CHD5: variants seen among roughly 807,000 people sequenced by gnomAD.
CHD5 encodes the protein ATP-dependent chromatin remodeler CHD5.
In CHD5, 69 loss-of-function variants were observed where a neutral mutation model predicts 230.3. That is an observed-to-expected ratio of 0.30 (90% CI 0.25 to 0.37). The LOEUF (loss-of-function observed/expected upper bound fraction) is 0.37. Ranked by LOEUF, CHD5 falls within the 10% of genes least tolerant of loss-of-function variation. The pLI is 1.00. For missense variants in CHD5, 1,827 were observed against 2,622.8 expected (o/e 0.70, Z 6.63); for synonymous variants, 1,064 against 1,065.9 (o/e 1.00, Z 0.03).
rs1666917758 is a variant in CHD5, at chr1:6,146,737, G to A, written c.1518C>T (p.Ile506=). The change falls in exon 10 of 42, where the codon ATC becomes ATT. Residue 506 remains isoleucine, a synonymous_variant. Transcript: ENST00000262450. This position sits in a 1 kb window ranked among gnomAD's most constrained non-coding sequence, Gnocchi z 5.1. ...SLPPPKPLEG[I]PEREFFVKWA... is the part of the protein sequence containing the mutation. The stretch of plus-strand genomic sequence containing the variant: ...ACTTGACAAAGAACTCTCTCTCAGG[G>A]ATGCCCTCCAGGGGCTTAGGTGGAG... 1 of 1,613,138 alleles carries A rather than the reference G, an allele frequency of 6.2e-7. No homozygotes were observed. The highest frequency in any genetic ancestry group is 8.5e-7 in the Non-Finnish European group (1 of 1,179,640).
rs192510876 is a variant in CHD5, at chr1:6,102,956, G to A, written c.*2518C>T. 15 of 152,514 alleles carry A rather than the reference G, an allele frequency of 9.8e-5. No homozygotes were observed. The highest frequency in any genetic ancestry group is 3.1e-4 in the African/African-American group (13 of 41,570). The allele number at this position is 152,514 out of a possible 1,614,324, so 9.4% of individuals were successfully genotyped here. ...CTCTGCAGAAGCCCTACTCAGCACTGGCTTAAAGTGGCTGGAAATTTCCAA... is the reference window on the plus strand; with the variant it reads ...CTCTGCAGAAGCCCTACTCAGCACTAGCTTAAAGTGGCTGGAAATTTCCAA... On this transcript the variant is annotated 3_prime_UTR_variant, in exon 42 of 42. Transcript: ENST00000262450.
At chr1:6,179,705 C>CG (rs1233990976) in intron 1 of CHD5, among the ~76,000 whole-genome samples, 1 of 146,556 alleles carries the variant, frequency 6.8e-6, no homozygotes, top group Non-Finnish European at 1.5e-5. Context: ...CGTCGCCGCC[C>CG]GGGGGGCCCG....
chr1:6,166,746 G>T (rs1266514565), intron 2 of CHD5, among the ~76,000 whole-genome samples: 1 of 152,090 alleles, frequency 6.6e-6, no homozygotes, highest in Non-Finnish European at 1.5e-5. Context: ...AGGCCCAGAG[G>T]CGAAGGCAGG....
Position 6,110,081 on chromosome 1 carries a change from G to A in CHD5, c.5383-91C>T, listed in dbSNP as rs111478932. 5.2e-4 allele frequency: 636 copies of A among 1,225,226 alleles called. 3 individuals are homozygous for A. In the African/African-American group the frequency reaches 5.4e-3, roughly 10 times the overall value. 75.9% of individuals were successfully genotyped at this position (1,225,226 alleles called of 1,614,324 possible). On this transcript the variant is annotated intron_variant, in intron 37 of 41. Coordinates refer to ENST00000262450, the MANE Select transcript of CHD5 (RefSeq NM_015557.3). ...GCGCCCACCCCAGGCCAAGGCTCCCGGCAGAAAGGAGGGAAAGAGGACGTA... is the reference window on the plus strand; with the variant it reads ...GCGCCCACCCCAGGCCAAGGCTCCCAGCAGAAAGGAGGGAAAGAGGACGTA...
At position 6,131,145 on chromosome 1, in the gene CHD5, C is replaced by G. The variant is rs545178229; in HGVS notation, c.3262+486G>C. 5.2e-4 allele frequency among the ~76,000 whole-genome samples: 79 copies of G among 152,354 alleles called. No homozygotes were observed. The highest frequency in any genetic ancestry group is 1.7e-3 in the African/African-American group (72 of 41,586). ...AGTTTCTTTTGCTACAGGAGGAACTCCACCGGCAAGACCCTCCTGACCTCC... is the reference window on the plus strand; with the variant it reads ...AGTTTCTTTTGCTACAGGAGGAACTGCACCGGCAAGACCCTCCTGACCTCC... On this transcript the variant is annotated intron_variant, in intron 21 of 41. Transcript: ENST00000262450. The surrounding 1 kb of genome is among the most constrained non-coding windows in gnomAD (Gnocchi z 5.0).
Position 6,154,738 on chromosome 1 carries a change from AGATGGT to A in CHD5, c.661_666del (p.Thr221_Ile222del). The stretch of plus-strand genomic sequence containing the variant: ...GGGGGGCTGACGGCTAGCGGAGGGG[AGATGGT>A]GACCGTCTCTACAGCCGCAGCCACC... On this transcript the variant is annotated inframe_deletion, in exon 5 of 42. Coordinates refer to ENST00000262450, the MANE Select transcript of CHD5 (RefSeq NM_015557.3). This position sits in a 1 kb window ranked among gnomAD's most constrained non-coding sequence, Gnocchi z 7.0. 1 of 1,609,610 alleles carries A rather than the reference AGATGGT, an allele frequency of 6.2e-7. No homozygotes were observed. Among genetic ancestry groups the A allele is most frequent in the Non-Finnish European group, 8.5e-7 (1 of 1,178,468 alleles).
At position 6,105,524 on chromosome 1, in the gene CHD5, A is replaced by G; in HGVS notation, c.*47-97T>C. On this transcript the variant is annotated intron_variant, in intron 41 of 41. Transcript: ENST00000262450. The surrounding 1 kb of genome is among the most constrained non-coding windows in gnomAD (Gnocchi z 4.8). The stretch of plus-strand genomic sequence containing the variant: ...TGTAGCTGCTTCTCCACCTATCACA[A>G]CCAACTATGATCGGGGTGCCCCCCA... 1 of 384,926 alleles carries G rather than the reference A, an allele frequency of 2.6e-6. No individual in the cohort carries two copies. The highest frequency in any genetic ancestry group is 5.4e-6 in the Non-Finnish European group (1 of 186,632). The allele number at this position is 384,926 out of a possible 1,614,324, so 23.8% of individuals were successfully genotyped here.
At chr1:6,160,162 A>T (rs1667148139) in intron 2 of CHD5, among the ~76,000 whole-genome samples, 1 of 107,500 alleles carries the variant, frequency 9.3e-6, no homozygotes, top group Non-Finnish European at 1.8e-5. Flanking sequence ...CCAGCAAGGG[A>T]AGAGCCCCAG....
Position 6,146,573 on chromosome 1 carries a change from C to A in CHD5, c.1590+92G>T. 6.9e-7 allele frequency: 1 copy of A among 1,443,354 alleles called. No homozygotes were observed. Among genetic ancestry groups the A allele is most frequent in the Non-Finnish European group, 9.7e-7 (1 of 1,030,710 alleles). 89.4% of individuals were successfully genotyped at this position (1,443,354 alleles called of 1,614,324 possible). A position where few individuals can be genotyped will look rare whatever the true frequency, so the allele number is the denominator to read the frequency against. On this transcript the variant is annotated intron_variant, in intron 10 of 41. Coordinates refer to ENST00000262450, the MANE Select transcript of CHD5 (RefSeq NM_015557.3). The surrounding 1 kb of genome is among the most constrained non-coding windows in gnomAD (Gnocchi z 5.1). ...CCAACTCCCAACAGCACCCCTCAGT[C>A]AGAGGCGCTTCAGCCCCTTCCCGCC...
intron 2 of CHD5, among the ~76,000 whole-genome samples, chr1:6,163,597 C>G (rs185713101): frequency 6.6e-6 from 1 of 152,260 alleles, no homozygotes; most frequent in Non-Finnish European, 1.5e-5. Context: ...GAGCAGTGGC[C>G]CATGAGCAGG....
intron 6 of CHD5, among the ~76,000 whole-genome samples, chr1:6,151,974 C>T (rs766073251): frequency 2.0e-5 from 3 of 152,184 alleles, no homozygotes; most frequent in Non-Finnish European, 2.9e-5. Context: ...TCCAGCCAGC[C>T]TGATCCTACC....
rs1047770735 is a variant in CHD5 at position 6,105,096 on chromosome 1, C to T, written c.*378G>A. The T allele has an allele frequency of 9.1e-6, 3 of 328,500 alleles. No individual in the cohort carries two copies. In the East Asian group the frequency reaches 2.6e-4, roughly 28 times the overall value. The allele number at this position is 328,500 out of a possible 1,614,324, so 20.3% of individuals were successfully genotyped here. ...GTGCTGCAGGTTCGAATCTTCCATA[C>T]GTCATCCAACTTTTATCAAGACAAA... On this transcript the variant is annotated 3_prime_UTR_variant, in exon 42 of 42. Transcript: ENST00000262450. This position sits in a 1 kb window ranked among gnomAD's most constrained non-coding sequence, Gnocchi z 4.8.
Position 6,136,039 on chromosome 1 carries a change from ACAC to A in CHD5, c.2696+475_2696+477del, listed in dbSNP as rs1206504536. Among the ~76,000 whole-genome samples, 10 of 53,038 alleles carry A rather than the reference ACAC, an allele frequency of 1.9e-4. No homozygotes were observed. The South Asian group carries it at 0.012, about 61-fold the overall frequency. The allele number at this position is 53,038 out of a possible 152,430, so 34.8% of individuals were successfully genotyped here. The stretch of plus-strand genomic sequence containing the variant: ...TAAAAAAAAACAACAAAAAAAAAAA[ACAC>A]TGCATCTCCTGATTCCAAAATCGAC... On this transcript the variant is annotated intron_variant, in intron 17 of 41. Transcript: ENST00000262450.
intron 2 of CHD5, among the ~76,000 whole-genome samples, chr1:6,164,475 A>G (rs1361730578): frequency 6.6e-6 from 1 of 152,210 alleles, no homozygotes; most frequent in Admixed American, 6.5e-5. Flanking sequence ...TTCCGGCTGC[A>G]GCCCGGTTAT....
intron 3 of CHD5, among the ~76,000 whole-genome samples, chr1:6,156,651 G>A (rs1667085804): frequency 6.6e-6 from 1 of 152,202 alleles, no homozygotes; most frequent in Non-Finnish European, 1.5e-5. Flanking sequence ...AGTGCACTCT[G>A]CTGGGGCAGG....
At chr1:6,108,448 TG>T (rs1031986474) in intron 38 of CHD5, among the ~76,000 whole-genome samples, 15 of 101,612 alleles carry the variant, frequency 1.5e-4, no homozygotes, top group Middle Eastern at 9.6e-3. Context: ...GATGGAGAGA[TG>T]GGGGATGGGG....
At position 6,152,515 on chromosome 1, in the gene CHD5, ATCT is replaced by A. The variant is rs1321785165; in HGVS notation, c.764_766del (p.Lys255del). ...TTTCTTCCCATCTTTGGAGCCTTTG[ATCT>A]TCTTCCTCACTCCAGGCCCTGAAAA... On this transcript the variant is annotated inframe_deletion, in exon 6 of 42. Transcript: ENST00000262450. The A allele has an allele frequency of 1.2e-6, 2 of 1,613,772 alleles. No homozygotes were observed. The highest frequency in any genetic ancestry group is 8.5e-7 in the Non-Finnish European group (1 of 1,179,962).
intron 3 of CHD5, among the ~76,000 whole-genome samples, chr1:6,156,860 G>GC (rs1467278384): frequency 3.3e-5 from 5 of 152,242 alleles, no homozygotes; most frequent in African/African-American, 1.2e-4. Context: ...AGATGACCAG[G>GC]CCCGGGCTGG....
chr1:6,177,509 G>A (rs767902313), intron 1 of CHD5, among the ~76,000 whole-genome samples: 3 of 152,208 alleles, frequency 2.0e-5, no homozygotes, highest in Non-Finnish European at 4.4e-5. Flanking sequence ...ACAACGTTTC[G>A]AGTATGTGAG....
Sources: allele counts gnomAD v4.1 joint callset (sites outside exome capture counted in the v4.1 genomes callset), GRCh38; gene constraint gnomAD v4.1.1; non-coding constraint Gnocchi (gnomAD v3.1); transcripts MANE v1.5; gene names NCBI Gene and HGNC (gene_info 2026-07-23, HGNC 2026-07-21).